Variants in HPSE2 observed in about 807,000 individuals in gnomAD.
HPSE2 encodes heparanase 2 (inactive).
In HPSE2, 38 loss-of-function variants were observed where a neutral mutation model predicts 60.5. That is an observed-to-expected ratio of 0.63 (90% CI 0.48 to 0.82). HPSE2 has a LOEUF of 0.82. HPSE2 is among the 40% of genes least tolerant of loss of function. HPSE2 has a pLI of 0.00. For synonymous variants in HPSE2, 295 were observed against 293.2 expected (o/e 1.01, Z -0.06); for missense variants, 713 against 740.4 (o/e 0.96, Z 0.43).
chr10:98,522,674 T>C (rs7091529), intron 9 of HPSE2, among the ~76,000 whole-genome samples: 122,867 of 152,150 alleles, frequency 0.81, 52,334 homozygotes, highest in East Asian at 0.96. Context: ...GATGGGCTTT[T>C]ACCATATTGG....
chr10:98,907,045 C>T (rs1418256), intron 3 of HPSE2, among the ~76,000 whole-genome samples: 78,585 of 152,042 alleles, frequency 0.52, 21,520 homozygotes, highest in Non-Finnish European at 0.62. Context: ...AAATTCCTCA[C>T]AACAATTCTG....
intron 2 of HPSE2, among the ~76,000 whole-genome samples, chr10:99,168,912 T>C (rs1847189170): frequency 6.6e-6 from 1 of 152,134 alleles, no homozygotes; most frequent in Non-Finnish European, 1.5e-5. Flanking sequence ...TGTCCTGACC[T>C]GGCCGGGCAT....
At position 98,728,305 on chromosome 10, in the gene HPSE2, A is replaced by G. The variant is rs145898648; in HGVS notation, c.785-6477T>C. Reference sequence around the variant, plus strand: ...AGGACTGGGGAATGAAACTGTACTGAAGCAAGTTTCTGTATTAAACTAGAA... The same window carrying G: ...AGGACTGGGGAATGAAACTGTACTGGAGCAAGTTTCTGTATTAAACTAGAA... On this transcript the variant is annotated intron_variant, in intron 4 of 11. Transcript: ENST00000370552. 3.0e-4 allele frequency among the ~76,000 whole-genome samples: 46 copies of G among 152,294 alleles called. 1 individual carries two copies. The East Asian group carries it at 7.5e-3, about 25-fold the overall frequency.
intron 3 of HPSE2, among the ~76,000 whole-genome samples, chr10:98,954,374 G>C (rs1275514432): frequency 2.6e-5 from 4 of 152,052 alleles, no homozygotes; most frequent in African/African-American, 7.2e-5. Flanking sequence ...GGAAAGTGAG[G>C]GGAAGTCCTA....
At chr10:98,817,751 T>C (rs1184447579) in intron 3 of HPSE2, among the ~76,000 whole-genome samples, 1 of 152,216 alleles carries the variant, frequency 6.6e-6, no homozygotes, top group Non-Finnish European at 1.5e-5. Flanking sequence ...TCAAGCTCCA[T>C]CGGAATAATG....
At chr10:98,476,390 G>A (rs1941021786) in intron 11 of HPSE2, among the ~76,000 whole-genome samples, 1 of 148,428 alleles carries the variant, frequency 6.7e-6, no homozygotes, top group Admixed American at 6.7e-5. Flanking sequence ...GTTAATGGGT[G>A]CAGCACACCA....
chr10:98,930,151 A>G (rs1954603827), intron 3 of HPSE2, among the ~76,000 whole-genome samples: 2 of 142,946 alleles, frequency 1.4e-5, no homozygotes, highest in Non-Finnish European at 3.0e-5. Flanking sequence ...ACTATCCACA[A>G]CAGGCCCCAG....
At chr10:98,914,027 A>G (rs547216269) in intron 3 of HPSE2, among the ~76,000 whole-genome samples, 39 of 152,182 alleles carry the variant, frequency 2.6e-4, no homozygotes, top group Non-Finnish European at 4.4e-4. Context: ...TTCAACAAAA[A>G]TAAGAGGTTG....
At chr10:98,614,587 C>T (rs1056867284) in intron 9 of HPSE2, among the ~76,000 whole-genome samples, 9 of 151,904 alleles carry the variant, frequency 5.9e-5, no homozygotes, top group African/African-American at 1.7e-4. Context: ...CCACCGTGCC[C>T]GGCCTGGATT....
intron 6 of HPSE2, among the ~76,000 whole-genome samples, chr10:98,654,616 G>A (rs1349981428): frequency 6.6e-6 from 1 of 151,978 alleles, no homozygotes; most frequent in African/African-American, 2.4e-5. Flanking sequence ...TATTAACCAT[G>A]TATTTTTGCA....
chr10:99,128,250 C>T (rs915600748), intron 3 of HPSE2, among the ~76,000 whole-genome samples: 2 of 152,122 alleles, frequency 1.3e-5, no homozygotes, highest in African/African-American at 4.8e-5. Flanking sequence ...TTAGTTCAAC[C>T]ATAGCGGAAG....
intron 3 of HPSE2, among the ~76,000 whole-genome samples, chr10:98,933,383 A>G (rs1954695399): frequency 6.9e-6 from 1 of 144,158 alleles, no homozygotes; most frequent in South Asian, 2.1e-4. Flanking sequence ...TATGTGATCA[A>G]TTTTAGAATA....
intron 3 of HPSE2, among the ~76,000 whole-genome samples, chr10:98,958,411 C>G (rs1297204538): frequency 1.3e-5 from 2 of 151,868 alleles, no homozygotes; most frequent in Admixed American, 1.3e-4. Flanking sequence ...ACAAAGGAGA[C>G]TCTAATGCAA....
chr10:98,939,492 T>G (rs1240759939), intron 3 of HPSE2, among the ~76,000 whole-genome samples: 1 of 143,164 alleles, frequency 7.0e-6, no homozygotes, highest in Non-Finnish European at 1.5e-5. Flanking sequence ...AGAAGGCCAT[T>G]ACATAATGGT....
intron 4 of HPSE2, among the ~76,000 whole-genome samples, chr10:98,731,281 A>AAACAAC (rs34235958): frequency 3.3e-5 from 5 of 151,760 alleles, no homozygotes; most frequent in Admixed American, 1.3e-4. Context: ...CCTTTCTCAA[A>AAACAAC]AACAACAACA....
At chr10:98,530,860 G>T (rs556396513) in intron 9 of HPSE2, among the ~76,000 whole-genome samples, 1 of 152,252 alleles carries the variant, frequency 6.6e-6, no homozygotes, top group South Asian at 2.1e-4. Context: ...CAGGAGGAGC[G>T]AGTAGAGGGA....
intron 6 of HPSE2, 122 bp downstream of exon 6, chr10:98,693,778 A>C: frequency 1.2e-6 from 1 of 867,624 alleles, no homozygotes; most frequent in South Asian, 1.3e-5. Flanking sequence ...GTTACTTTCA[A>C]ATTTTTTCCT....
chr10:98,546,747 A>G (rs1480959834), intron 9 of HPSE2, among the ~76,000 whole-genome samples: 1 of 150,906 alleles, frequency 6.6e-6, no homozygotes, highest in Non-Finnish European at 1.5e-5. Flanking sequence ...GGCATGGGCA[A>G]GGACTTCATG....
At chr10:98,567,014 G>A (rs143270046) in intron 9 of HPSE2, among the ~76,000 whole-genome samples, 102 of 152,312 alleles carry the variant, frequency 6.7e-4, no homozygotes, top group African/African-American at 2.2e-3. Flanking sequence ...TAGATGACTT[G>A]CTTCTCAGGA....
Sources: gnomAD v4.1 joint callset for allele counts (sites outside exome capture counted in the v4.1 genomes callset) on GRCh38, gnomAD v4.1.1 for gene constraint, MANE v1.5 for transcripts, NCBI Gene and HGNC (gene_info 2026-07-23, HGNC 2026-07-21) for gene names.